UPB1: variants seen among roughly 807,000 people sequenced by gnomAD.
The protein encoded by UPB1 is beta-ureidopropionase.
Under a neutral mutation model 49.1 loss-of-function variants are expected in UPB1, and 40 were observed. The ratio of observed to expected loss-of-function variants is 0.81; its 90% CI spans 0.63 to 1.06. The LOEUF is 1.06. Among genes scored for constraint, UPB1 ranks in the 50% least tolerant of loss-of-function variants. UPB1 has a pLI of 0.00. For missense variants in UPB1, 499 were observed against 505.9 expected, an observed-to-expected ratio of 0.99 and a Z score of 0.13; for synonymous variants, 207 against 198.2, an observed-to-expected ratio of 1.04 and a Z score of -0.38.
At chr22:24,498,200 C>G (rs1464622295) in intron 1 of UPB1, among the ~76,000 whole-genome samples, 1 of 152,232 alleles carries the variant, frequency 6.6e-6, no homozygotes, top group Non-Finnish European at 1.5e-5. Flanking sequence ...ACTCTACCCT[C>G]ATGACCTAAT....
intron 1 of UPB1, among the ~76,000 whole-genome samples, chr22:24,499,093 AG>A (rs2043941972): frequency 6.6e-6 from 1 of 152,188 alleles, no homozygotes; most frequent in African/African-American, 2.4e-5. Flanking sequence ...CTTGAAAAGC[AG>A]GCTGATTGTC....
intron 9 of UPB1, among the ~76,000 whole-genome samples, chr22:24,524,763 T>TATAG (rs1226733991): frequency 1.3e-5 from 2 of 152,238 alleles, no homozygotes; most frequent in African/African-American, 4.8e-5. Context: ...ATACCAGGAT[T>TATAG]ATAGACATAA....
At chr22:24,504,126 A>G (rs2044042833) in intron 3 of UPB1, among the ~76,000 whole-genome samples, 1 of 152,218 alleles carries the variant, frequency 6.6e-6, no homozygotes, top group Non-Finnish European at 1.5e-5. Context: ...TGAAAGGCAC[A>G]CTGTAGAGAC....
intron 3 of UPB1, chr22:24,503,063 A>G (rs1458126850): frequency 6.6e-6 from 1 of 152,592 alleles, no homozygotes; most frequent in African/African-American, 2.4e-5. Context: ...TGAAAAAAAA[A>G]AGTTTGTAGA....
chr22:24,523,841 G>T, intron 9 of UPB1, 68 bp downstream of exon 9: 1 of 1,608,782 alleles, frequency 6.2e-7, no homozygotes. Context: ...CTCAGGAACT[G>T]CTGTTGCGGG....
In UPB1 at chr22:24,523,525, C is replaced by T. The variant is rs1037485727; in HGVS notation, c.917-94C>T. 8.5e-5 allele frequency: 134 copies of T among 1,573,142 alleles called. 1 individual carries two copies. Among genetic ancestry groups the T allele is most frequent in the Admixed American group, 5.7e-4 (34 of 59,898 alleles). On this transcript the variant is annotated intron_variant, in intron 8 of 9. Coordinates refer to ENST00000326010, the MANE Select transcript of UPB1 (RefSeq NM_016327.3). Reference sequence around the variant, plus strand: ...ACACTGGGGAGGATGGCATGGACTCCGTGTCCTGGGCCTGCCTCAAGGTGC... The same window carrying T: ...ACACTGGGGAGGATGGCATGGACTCTGTGTCCTGGGCCTGCCTCAAGGTGC...
At chr22:24,514,957 T>A (rs1345183207) in intron 5 of UPB1, among the ~76,000 whole-genome samples, 1 of 152,196 alleles carries the variant, frequency 6.6e-6, no homozygotes, top group African/African-American at 2.4e-5. Context: ...GGGATTTTTG[T>A]GACATGTCAG....
intron 4 of UPB1, among the ~76,000 whole-genome samples, chr22:24,511,223 G>A (rs974186220): frequency 6.6e-6 from 1 of 152,176 alleles, no homozygotes; most frequent in African/African-American, 2.4e-5. Flanking sequence ...CAGAAGCTTC[G>A]ATGCATGGCC....
intron 2 of UPB1, 108 bp from the exon 3 acceptor site, chr22:24,502,018 C>T: frequency 5.3e-6 from 6 of 1,125,020 alleles, no homozygotes; most frequent in Non-Finnish European, 8.1e-6. Flanking sequence ...CCCTACTCCT[C>T]ATACCTGCCC....
At position 24,523,622 on chromosome 22, in the gene UPB1, A is replaced by T. The variant is rs200513506; in HGVS notation, c.920A>T (p.His307Leu). ...GTGTTTCTTTGTTCCTTTAAAGCTC[A>T]CCAGGACTTTGGCTACTTTTATGGC... ...EFTSGDGKKA[H>L]QDFGYFYGSS... Residue 307 changes from histidine (H) to leucine (L), a missense_variant, in exon 9 of 10, where the codon CAC (histidine) becomes CTC (leucine). Transcript: ENST00000326010. The T allele has an allele frequency of 6.2e-7, 1 of 1,614,090 alleles. No homozygotes were observed. The highest frequency in any genetic ancestry group is 8.5e-7 in the Non-Finnish European group (1 of 1,180,036).
At chr22:24,521,398 G>T (rs2147039952) in intron 7 of UPB1, among the ~76,000 whole-genome samples, 1 of 152,098 alleles carries the variant, frequency 6.6e-6, no homozygotes, top group South Asian at 2.1e-4. Flanking sequence ...CAGGAGAATT[G>T]CTTGAACCCG....
At chr22:24,497,366 A>G (rs1459474382) in intron 1 of UPB1, among the ~76,000 whole-genome samples, 1 of 152,168 alleles carries the variant, frequency 6.6e-6, no homozygotes, top group Non-Finnish European at 1.5e-5. Flanking sequence ...CGCCATGAGC[A>G]CATGTCTCTT....
intron 1 of UPB1, among the ~76,000 whole-genome samples, chr22:24,499,904 G>C (rs981648071): frequency 6.6e-6 from 1 of 152,198 alleles, no homozygotes; most frequent in South Asian, 2.1e-4. Flanking sequence ...GCCAATTGCA[G>C]GTAAAGTCCA....
chr22:24,510,723 A>G, intron 3 of UPB1, 26 bp from the exon 4 acceptor site: 2 of 1,611,448 alleles, frequency 1.2e-6, no homozygotes, highest in Non-Finnish European at 8.5e-7. Flanking sequence ...TGTTGGATAT[A>G]ATTCTGCCCT....
intron 3 of UPB1, chr22:24,502,659 T>TG (rs2044015084): frequency 3.1e-6 from 2 of 641,094 alleles, no homozygotes; most frequent in Non-Finnish European, 5.6e-6. Flanking sequence ...TAGAGTCAGA[T>TG]GGGTGTACAA....
At chr22:24,496,416 C>CACACACACACACACACAT (rs2043887240) in intron 1 of UPB1, among the ~76,000 whole-genome samples, 1 of 144,698 alleles carries the variant, frequency 6.9e-6, no homozygotes, top group African/African-American at 2.8e-5. Context: ...CACACACACA[C>CACACACACACACACACAT]ACACACACAC....
chr22:24,517,110 C>G (rs533122035), intron 6 of UPB1, among the ~76,000 whole-genome samples: 1 of 152,264 alleles, frequency 6.6e-6, no homozygotes, highest in African/African-American at 2.4e-5. Flanking sequence ...GAGTAATATC[C>G]CCTCCCCATT....
intron 3 of UPB1, chr22:24,503,187 T>C (rs2044025362): frequency 6.6e-6 from 1 of 152,340 alleles, no homozygotes; most frequent in Non-Finnish European, 1.5e-5. Context: ...AACCCCAAAC[T>C]TTCTATCAAT....
In UPB1 at chr22:24,520,452, T is replaced by C. The variant is rs200034079; in HGVS notation, c.857T>C (p.Ile286Thr). The C allele has an allele frequency of 1.2e-6, 2 of 1,614,020 alleles. No individual in the cohort carries two copies. Among genetic ancestry groups the C allele is most frequent in the East Asian group, 4.5e-5 (2 of 44,878 alleles). ...GCCAATCACTGCTTCACCTGCGCCA[T>C]CAATCGAGTGGGCACCGTAAGTCCC... Reference protein sequence around the residue: ...AIANHCFTCAINRVGTEHFPN... With the variant: ...AIANHCFTCATNRVGTEHFPN... The change falls in exon 7 of 10, where the codon ATC becomes ACC. Residue 286 changes from isoleucine to threonine, a missense_variant. Transcript: ENST00000326010.
Sources: allele counts gnomAD v4.1 joint callset (sites outside exome capture counted in the v4.1 genomes callset), GRCh38; gene constraint gnomAD v4.1.1; transcripts MANE v1.5; gene names NCBI Gene and HGNC (gene_info 2026-07-23, HGNC 2026-07-21).